Variants in TTN observed in about 807,000 individuals in gnomAD.
The protein encoded by TTN is connectin.
In TTN, 1,525 loss-of-function variants were observed where a neutral mutation model predicts 3,223.0. The observed-to-expected ratio is 0.47, with a 90% confidence interval of 0.45 to 0.49. The LOEUF (loss-of-function observed/expected upper bound fraction) is 0.49. Ranked by LOEUF, TTN falls within the 20% of genes least tolerant of loss-of-function variation. The pLI, the probability that TTN is intolerant of heterozygous loss-of-function variation, is 0.00. For synonymous variants in TTN, 14,094 were observed against 15,161.0 expected (o/e 0.93, Z 5.17); for missense variants, 40,786 against 43,424.0 (o/e 0.94, Z 5.40).
Position 178,754,799 on chromosome 2 carries a change from C to T in TTN, c.11254+1423G>A, listed in dbSNP as rs985819087. Among the ~76,000 whole-genome samples the T allele has an allele frequency of 1.4e-4, 21 of 152,218 alleles. No individual in the cohort carries two copies. In the South Asian group the frequency reaches 2.1e-3, roughly 15 times the overall value. ...CTTGAGATATTGCCTTTGTAGGCTA[C>T]GGTGACAGAATGAGAGATAGCTATA... is the stretch of plus-strand genomic sequence containing the variant. On this transcript the variant is annotated intron_variant, in intron 46 of 362. Coordinates refer to ENST00000589042, the MANE Select transcript of TTN (RefSeq NM_001267550.2).
Position 178,574,152 on chromosome 2 carries a change from C to T in TTN, c.71980G>A (p.Ala23994Thr), listed in dbSNP as rs2154171332. The T allele has an allele frequency of 1.2e-6, 2 of 1,613,652 alleles. No homozygotes were observed. The highest frequency in any genetic ancestry group is 1.7e-6 in the Non-Finnish European group (2 of 1,179,678). ...FTVSGLTEDA[A>T]YEFRVIAKNA... ...TTGGCGATCACACGGAATTCATATGCAGCATCTTCTGTTAGGCCACTGACT... is the reference window on the plus strand; with the variant it reads ...TTGGCGATCACACGGAATTCATATGTAGCATCTTCTGTTAGGCCACTGACT... The change falls in exon 326 of 363, where the codon GCA becomes ACA. Residue 23994 changes from alanine (A) to threonine (T), a missense_variant. Ala to Thr is a moderately conservative substitution (Grantham distance 58). Transcript: ENST00000589042.
intron 281 of TTN, 35 bp downstream of exon 281, chr2:178,604,673 T>C (rs2054356765): frequency 6.5e-7 from 1 of 1,550,384 alleles, no homozygotes; most frequent in Non-Finnish European, 8.7e-7. Context: ...TCATGTACTT[T>C]TAATGTGTAT....
rs1032128606 is a variant in TTN at position 178,593,580 on chromosome 2, T to C, written c.58720A>G (p.Lys19574Glu). The change falls in exon 298 of 363, where the codon AAA becomes GAA. Residue 19574 changes from lysine (K) to glutamate (E), a missense_variant. Transcript: ENST00000589042. ...ACATAATGCATACTGAAACGATCTTTGGCTTTCATTGAATCAGACACCAGA... is the reference window on the plus strand; with the variant it reads ...ACATAATGCATACTGAAACGATCTTCGGCTTTCATTGAATCAGACACCAGA... ...DPLVSDSMKAKDRFRVPDAPD... is the reference protein window; with the variant it reads ...DPLVSDSMKAEDRFRVPDAPD... 6.2e-7 allele frequency: 1 copy of C among 1,611,834 alleles called. No individual in the cohort carries two copies. Among genetic ancestry groups the C allele is most frequent in the African/African-American group, 1.3e-5 (1 of 74,810 alleles).
Position 178,694,482 on chromosome 2 carries a change from A to C in TTN, c.31426+117T>G, listed in dbSNP as rs1283442093. ...TCAACATAAAATTTGTATTATGTAA[A>C]AATGTGCTGTTTTTGGTCGTTTCAG... On this transcript the variant is annotated intron_variant, in intron 117 of 362. Transcript: ENST00000589042. The C allele has an allele frequency of 4.9e-6, 3 of 612,528 alleles. No homozygotes were observed. The African/African-American group carries it at 5.7e-5, about 12-fold the overall frequency. The allele number at this position is 612,528 out of a possible 1,614,324, so 37.9% of individuals were successfully genotyped here.
chr2:178,624,601 G>A lies in TTN; in HGVS notation c.44679C>T (p.Leu14893=), dbSNP rs1438608061. 5.6e-6 allele frequency: 9 copies of A among 1,612,460 alleles called. No homozygotes were observed. Among genetic ancestry groups the A allele is most frequent in the Non-Finnish European group, 7.6e-6 (9 of 1,179,142 alleles). Residue 14893 remains leucine, a synonymous_variant, in exon 242 of 363, where the codon CTC becomes CTT. Transcript: ENST00000589042. The part of the protein sequence containing the change: ...VKWFKNGTEI[L]KSKKYEIVAD... ...CAACAATTTCATACTTCTTGCTTTT[G>A]AGGATTTCTGTCCCATTTTTGAACC...
Position 178,576,520 on chromosome 2 carries a change from A to G in TTN, c.69715+9T>C. 6.2e-7 allele frequency: 1 copy of G among 1,610,078 alleles called. No homozygotes were observed. The highest frequency in any genetic ancestry group is 8.5e-7 in the Non-Finnish European group (1 of 1,178,866). ...GGAATGAACGGTGTTGAAAAAGACA[A>G]ATACTAACATGCTGCATCTTTCATC... is the stretch of plus-strand genomic sequence containing the variant. On this transcript the variant is annotated intron_variant, in intron 325 of 362. Coordinates refer to ENST00000589042, the MANE Select transcript of TTN (RefSeq NM_001267550.2). This position sits in a 1 kb window ranked among gnomAD's most constrained non-coding sequence, Gnocchi z 4.3.
chr2:178,691,142 GA>G (rs1416834524), intron 121 of TTN, among the ~76,000 whole-genome samples: 1 of 152,138 alleles, frequency 6.6e-6, no homozygotes, highest in Non-Finnish European at 1.5e-5. Context: ...TTTGATTCAG[GA>G]AGAAAATAGA....
Position 178,689,556 on chromosome 2 carries a change from A to T in TTN, c.31886T>A (p.Ile10629Lys). 6.2e-7 allele frequency: 1 copy of T among 1,610,094 alleles called. No homozygotes were observed. The highest frequency in any genetic ancestry group is 8.5e-7 in the Non-Finnish European group (1 of 1,177,894). The stretch of plus-strand genomic sequence containing the variant: ...TTCCTCTCTTTGAGTTACAATGGTT[A>T]TTTTTTCTTCTGTCACAACTCCCTT... ...VQKGVVTEEK[I>K]TIVTQREESP... is the part of the protein sequence containing the mutation. Residue 10629 changes from isoleucine to lysine, a missense_variant, in exon 123 of 363, where the codon ATA becomes AAA. Coordinates refer to ENST00000589042, the MANE Select transcript of TTN (RefSeq NM_001267550.2).
At chr2:178,651,378 T>A in intron 207 of TTN, 58 bp from the exon 208 acceptor site, 2 of 1,606,754 alleles carry the variant, frequency 1.2e-6, no homozygotes, top group East Asian at 4.5e-5. Flanking sequence ...ATTCATCACA[T>A]TTACACAGAA....
In TTN at chr2:178,554,003, T is replaced by A. The variant is rs1700334613; in HGVS notation, c.89108A>T (p.Asp29703Val). Residue 29703 changes from aspartate (D) to valine (V), a missense_variant, in exon 333 of 363, where the codon GAC (aspartate) becomes GTC (valine). Asp to Val is a radical substitution (Grantham distance 152). Transcript: ENST00000589042. Reference sequence around the variant, plus strand: ...TACAGCACAAACTCTGTATTGATAGTCACTGTTTTCTGTGAGTCCTGTTAC... The same window carrying A: ...TACAGCACAAACTCTGTATTGATAGACACTGTTTTCTGTGAGTCCTGTTAC... ...QKVTGLTENSDYQYRVCAVNA... is the reference protein window; with the variant it reads ...QKVTGLTENSVYQYRVCAVNA... The A allele has an allele frequency of 1.9e-6, 3 of 1,613,372 alleles. No individual in the cohort carries two copies.
chr2:178,805,628 A>G (rs1034984253), intron 1 of TTN, among the ~76,000 whole-genome samples: 1 of 152,192 alleles, frequency 6.6e-6, no homozygotes, highest in Admixed American at 6.5e-5. Flanking sequence ...ACATTTCTTC[A>G]TACTGTAACT....
At chr2:178,615,243 C>T (rs1434643440) in intron 259 of TTN, 64 bp downstream of exon 259, 7 of 1,565,334 alleles carry the variant, frequency 4.5e-6, no homozygotes, top group African/African-American at 1.4e-5. Flanking sequence ...TAAATTTTCC[C>T]CAACAAAGCC....
rs183276016 is a variant in TTN, at chr2:178,581,939, C to T, written c.66430G>A (p.Ala22144Thr). The change falls in exon 315 of 363, where the codon GCA becomes ACA. Residue 22144 changes from alanine (A) to threonine (T), a missense_variant. Coordinates refer to ENST00000589042, the MANE Select transcript of TTN (RefSeq NM_001267550.2). ...NKAGPGKPSDASKAAYARDPQ... is the reference protein window; with the variant it reads ...NKAGPGKPSDTSKAAYARDPQ... ...TCCCGAGCATAAGCGGCCTTGGATG[C>T]GTCACTGGGTTTGCCTGGTCCAGCT... is the stretch of plus-strand genomic sequence containing the variant. 4.6e-4 allele frequency: 749 copies of T among 1,613,062 alleles called. No homozygotes were observed. The highest frequency in any genetic ancestry group is 5.7e-4 in the Non-Finnish European group (675 of 1,179,472).
At chr2:178,600,717 T>A in intron 288 of TTN, 137 bp downstream of exon 288, 1 of 969,674 alleles carries the variant, frequency 1.0e-6, no homozygotes, top group Non-Finnish European at 1.6e-6. Flanking sequence ...AGTAATTAAG[T>A]AATGTGCCCA....
At chr2:178,770,863 G>A in intron 34 of TTN, 188 bp from the exon 35 acceptor site, 1 of 863,726 alleles carries the variant, frequency 1.2e-6, no homozygotes, top group South Asian at 1.3e-5. Context: ...AACTGGACAT[G>A]TACATCGTGA....
At chr2:178,716,591 A>G (rs533704972) in intron 88 of TTN, among the ~76,000 whole-genome samples, 17 of 152,282 alleles carry the variant, frequency 1.1e-4, no homozygotes, top group African/African-American at 4.1e-4. Context: ...ATACTGATCT[A>G]CTTACTCCCC....
intron 162 of TTN, 44 bp from the exon 163 acceptor site, chr2:178,666,945 G>T: frequency 1.4e-6 from 2 of 1,382,818 alleles, no homozygotes; most frequent in Non-Finnish European, 2.0e-6. Flanking sequence ...AAAGGCAAAG[G>T]CATAAAGACA....
At position 178,756,401 on chromosome 2, in the gene TTN, G is replaced by T. The variant is rs767415803; in HGVS notation, c.11075C>A (p.Thr3692Asn). 9 of 1,613,754 alleles carry T rather than the reference G, an allele frequency of 5.6e-6. No homozygotes were observed. The highest frequency in any genetic ancestry group is 7.6e-6 in the Non-Finnish European group (9 of 1,179,802). ...TATCTTTGCACCTTCGTGAGTCCAGGTTACATCAATGAAAGAATCATCTTT... is the reference window on the plus strand; with the variant it reads ...TATCTTTGCACCTTCGTGAGTCCAGTTTACATCAATGAAAGAATCATCTTT... ...VLKDDSFIDV[T>N]WTHEGAKIEE... is the part of the protein sequence containing the mutation. The change falls in exon 46 of 363, where the codon ACC (threonine) becomes AAC (asparagine). Residue 3692 changes from threonine to asparagine, a missense_variant. Physicochemically the swap from Thr to Asn is moderately conservative, Grantham distance 65 (BLOSUM62 0). Transcript: ENST00000589042.
At chr2:178,780,657 A>G (rs925763220) in intron 21 of TTN, among the ~76,000 whole-genome samples, 1 of 152,226 alleles carries the variant, frequency 6.6e-6, no homozygotes, top group African/African-American at 2.4e-5. Context: ...TTTTCAAGTT[A>G]TAAACATTGA....
Sources: gnomAD v4.1 joint callset for allele counts (sites outside exome capture counted in the v4.1 genomes callset) on GRCh38, gnomAD v4.1.1 for gene constraint, Gnocchi (gnomAD v3.1) non-coding constraint, MANE v1.5 for transcripts, NCBI Gene and HGNC (gene_info 2026-07-23, HGNC 2026-07-21) for gene names.